Variants in RAVER2 observed in about 807,000 individuals in gnomAD.
RAVER2 encodes ribonucleoprotein, PTB binding 2.
RAVER2 carries 46 observed loss-of-function variants against 78.1 expected under a neutral mutation model. That is an observed-to-expected ratio of 0.59 (90% confidence interval 0.46 to 0.75). RAVER2 has a LOEUF of 0.75. Ranked by LOEUF, RAVER2 falls within the 30% of genes least tolerant of loss-of-function variation. RAVER2 has a pLI of 0.00. For synonymous variants in RAVER2, 311 were observed against 313.3 expected (o/e 0.99, Z 0.08); for missense variants, 793 against 837.5 (o/e 0.95, Z 0.66).
intron 1 of RAVER2, among the ~76,000 whole-genome samples, chr1:64,750,016 T>C (rs1023996300): frequency 6.6e-6 from 1 of 152,172 alleles, no homozygotes; most frequent in African/African-American, 2.4e-5. Flanking sequence ...GAGAGTCTCT[T>C]GTGAAATTAG....
At chr1:64,820,066 A>G (rs1024887393) in intron 11 of RAVER2, among the ~76,000 whole-genome samples, 2 of 152,232 alleles carry the variant, frequency 1.3e-5, no homozygotes, top group Non-Finnish European at 2.9e-5. Context: ...GTAAAGGACA[A>G]TAAGGTAAAT....
At chr1:64,811,479 A>G (rs1653604699) in intron 9 of RAVER2, among the ~76,000 whole-genome samples, 1 of 152,224 alleles carries the variant, frequency 6.6e-6, no homozygotes. Flanking sequence ...ATGTCATGAC[A>G]TTGTAAGAAA....
intron 5 of RAVER2, among the ~76,000 whole-genome samples, chr1:64,800,505 T>G (rs754098539): frequency 6.6e-6 from 1 of 152,206 alleles, no homozygotes; most frequent in Non-Finnish European, 1.5e-5. Flanking sequence ...CTTTTGCATA[T>G]GAATATTCCG....
At chr1:64,753,437 A>C (rs1343046663) in intron 1 of RAVER2, among the ~76,000 whole-genome samples, 1 of 151,786 alleles carries the variant, frequency 6.6e-6, no homozygotes, top group Non-Finnish European at 1.5e-5. Context: ...TTTCTTTGTT[A>C]TAAAGGTCTT....
intron 5 of RAVER2, among the ~76,000 whole-genome samples, chr1:64,791,648 G>C (rs1652944334): frequency 1.3e-5 from 2 of 152,276 alleles, no homozygotes; most frequent in South Asian, 4.1e-4. Context: ...TATGCAATTA[G>C]ATATCTCTTT....
At chr1:64,795,408 T>G (rs1653069480) in intron 5 of RAVER2, among the ~76,000 whole-genome samples, 1 of 152,144 alleles carries the variant, frequency 6.6e-6, no homozygotes, top group Non-Finnish European at 1.5e-5. Flanking sequence ...TTAGGCAGAA[T>G]TCACAACAAT....
At chr1:64,794,498 C>A (rs1653040954) in intron 5 of RAVER2, among the ~76,000 whole-genome samples, 1 of 151,408 alleles carries the variant, frequency 6.6e-6, no homozygotes, top group Non-Finnish European at 1.5e-5. Context: ...GCTTAGTATC[C>A]CCACCAGTAC....
intron 10 of RAVER2, among the ~76,000 whole-genome samples, chr1:64,813,306 A>G (rs966919069): frequency 1.4e-4 from 22 of 152,238 alleles, no homozygotes; most frequent in Admixed American, 1.3e-3. Flanking sequence ...GGTTGTAAAT[A>G]GTGGGAAAAC....
intron 11 of RAVER2, among the ~76,000 whole-genome samples, chr1:64,823,693 A>G (rs1653938546): frequency 6.6e-6 from 1 of 152,190 alleles, no homozygotes; most frequent in Non-Finnish European, 1.5e-5. Context: ...TTTTAATTAA[A>G]ATAGGTAAAA....
intron 11 of RAVER2, among the ~76,000 whole-genome samples, chr1:64,820,437 G>A (rs957382541): frequency 6.6e-6 from 1 of 151,888 alleles, no homozygotes; most frequent in African/African-American, 2.4e-5. Context: ...TAGGTTTGGG[G>A]GTACACGTGA....
At chr1:64,764,562 A>G (rs1300996228) in intron 1 of RAVER2, among the ~76,000 whole-genome samples, 1 of 152,232 alleles carries the variant, frequency 6.6e-6, no homozygotes, top group Non-Finnish European at 1.5e-5. Context: ...TGATATTATT[A>G]AAATGAAAAA....
Position 64,787,294 on chromosome 1 carries a change from G to T in RAVER2, c.979-2094G>T, listed in dbSNP as rs116590111. On this transcript the variant is annotated intron_variant, in intron 4 of 11. Coordinates refer to ENST00000294428, the Ensembl canonical transcript of RAVER2. Reference sequence around the variant, plus strand: ...TTGAATGTATGAATATACATTTCCTGTGGGGGCTATCACCTTTCTGTATGT... The same window carrying T: ...TTGAATGTATGAATATACATTTCCTTTGGGGGCTATCACCTTTCTGTATGT... Among the ~76,000 whole-genome samples, 466 of 152,168 alleles carry T rather than the reference G, an allele frequency of 3.1e-3. 1 individual carries two copies. The highest frequency in any genetic ancestry group is 0.011 in the African/African-American group (436 of 41,502).
At chr1:64,763,952 A>C (rs1335577158) in intron 1 of RAVER2, among the ~76,000 whole-genome samples, 1 of 150,688 alleles carries the variant, frequency 6.6e-6, no homozygotes, top group South Asian at 2.1e-4. Flanking sequence ...ACACACACAC[A>C]CACCCCTACC....
chr1:64,761,944 C>T (rs1652034817), intron 1 of RAVER2, among the ~76,000 whole-genome samples: 1 of 147,820 alleles, frequency 6.8e-6, no homozygotes, highest in Admixed American at 6.9e-5. Flanking sequence ...AACCCTGTCT[C>T]TACCAAAAAA....
intron 9 of RAVER2, among the ~76,000 whole-genome samples, chr1:64,810,684 G>C (rs1038087629): frequency 9.5e-4 from 144 of 152,254 alleles, no homozygotes; most frequent in African/African-American, 3.4e-3. Context: ...TAGTGATGTT[G>C]AGCATTTTTG....
chr1:64,745,166 C>A lies in RAVER2; in HGVS notation c.-7C>A. ...GAGGAGTCCGCAGCCGCTGGGCGCC[C>A]GGGAAGATGGCGGCGGCGGCGGGAG... On this transcript the variant is annotated 5_prime_UTR_variant, in exon 1 of 12. Coordinates refer to ENST00000294428, the Ensembl canonical transcript of RAVER2. The surrounding 1 kb of genome is among the most constrained non-coding windows in gnomAD (Gnocchi z 4.3). 2 of 1,017,478 alleles carry A rather than the reference C, an allele frequency of 2.0e-6. No individual in the cohort carries two copies. Among genetic ancestry groups the A allele is most frequent in the Non-Finnish European group, 2.3e-6 (2 of 852,632 alleles). The allele number at this position is 1,017,478 out of a possible 1,614,324, so 63.0% of individuals were successfully genotyped here.
chr1:64,819,758 G>A (rs1033483948), intron 11 of RAVER2, among the ~76,000 whole-genome samples: 6 of 152,226 alleles, frequency 3.9e-5, no homozygotes, highest in South Asian at 2.1e-4. Context: ...AACAATGCAC[G>A]TTGTCTTGAG....
chr1:64,798,776 GT>G (rs1653174832), intron 5 of RAVER2, among the ~76,000 whole-genome samples: 1 of 151,944 alleles, frequency 6.6e-6, no homozygotes, highest in Admixed American at 6.6e-5. Flanking sequence ...CTCCACTCAA[GT>G]TTTTTTCCAT....
chr1:64,817,901 T>TA (rs1217616319), intron 11 of RAVER2, among the ~76,000 whole-genome samples: 111 of 148,256 alleles, frequency 7.5e-4, no homozygotes, highest in Admixed American at 1.7e-3. Context: ...TAAAGTATAA[T>TA]AAAAAAAAAA....
Sources: allele counts gnomAD v4.1 joint callset (sites outside exome capture counted in the v4.1 genomes callset), GRCh38; gene constraint gnomAD v4.1.1; non-coding constraint Gnocchi (gnomAD v3.1); transcripts MANE v1.5; gene names NCBI Gene and HGNC (gene_info 2026-07-23, HGNC 2026-07-21).